TNFSF4: variants seen among roughly 807,000 people sequenced by gnomAD.
TNFSF4 encodes the protein tumor necrosis factor ligand superfamily member 4.
A neutral mutation model predicts 7.3 loss-of-function variants in TNFSF4; 4 were observed. The observed-to-expected ratio is 0.55, with a 90% CI of 0.27 to 1.25. The LOEUF is 1.25. Among genes scored for constraint, TNFSF4 ranks in the 50% most tolerant of loss-of-function variants. The pLI is 0.12. For synonymous variants in TNFSF4, 76 were observed against 83.7 expected (o/e 0.91, Z 0.50); for missense variants, 181 against 208.8 (o/e 0.87, Z 0.82).
chr1:173,255,056 G>A, the TNFSF4 span, among the ~76,000 whole-genome samples: 1 of 152,102 alleles, frequency 6.6e-6, no homozygotes, highest in East Asian at 1.9e-4. Context: ...GGGAAAGGGG[G>A]TAAAACTAGT....
At chr1:173,447,874 C>T in the TNFSF4 span, among the ~76,000 whole-genome samples, 1 of 151,950 alleles carries the variant, frequency 6.6e-6, no homozygotes, top group Non-Finnish European at 1.5e-5. Flanking sequence ...ACCTAACTAT[C>T]TACAAGAAAC....
the TNFSF4 span, among the ~76,000 whole-genome samples, chr1:173,340,677 T>C: frequency 6.6e-6 from 1 of 152,132 alleles, no homozygotes; most frequent in African/African-American, 2.4e-5. Flanking sequence ...ATGCTTTGGT[T>C]TCCCTGGAGG....
At chr1:173,363,598 C>A in the TNFSF4 span, 1 of 483,132 alleles carries the variant, frequency 2.1e-6, no homozygotes, top group South Asian at 1.7e-5. Flanking sequence ...TGGGGAGTGT[C>A]GTAGATCACT....
chr1:173,395,075 A>ATAGATAGCTAGC, the TNFSF4 span, among the ~76,000 whole-genome samples: 16 of 150,222 alleles, frequency 1.1e-4, no homozygotes, highest in Non-Finnish European at 1.5e-4. Context: ...AGATAGATAG[A>ATAGATAGCTAGC]TAGCTATAAA....
At chr1:173,178,471 G>T in the TNFSF4 span, among the ~76,000 whole-genome samples, 1 of 152,276 alleles carries the variant, frequency 6.6e-6, no homozygotes, top group African/African-American at 2.4e-5. Context: ...CTACTGGGGA[G>T]GCTGAGGCAG....
At chr1:173,177,927 G>A in the TNFSF4 span, among the ~76,000 whole-genome samples, 44 of 152,300 alleles carry the variant, frequency 2.9e-4, no homozygotes, top group African/African-American at 1.0e-3. Flanking sequence ...TGTTTGAGCT[G>A]AGCCTTGAAT....
chr1:173,188,467 G>C, intron 2 of TNFSF4, 54 bp downstream of exon 2: 1 of 1,374,168 alleles, frequency 7.3e-7, no homozygotes, highest in Non-Finnish European at 1.0e-6. Context: ...TTAAGAGACT[G>C]AAGAGAAGAT....
At chr1:173,416,894 G>A in the TNFSF4 span, among the ~76,000 whole-genome samples, 1 of 152,110 alleles carries the variant, frequency 6.6e-6, no homozygotes, top group African/African-American at 2.4e-5. Flanking sequence ...ATTGTGGCCG[G>A]CCACAAATGT....
the TNFSF4 span, among the ~76,000 whole-genome samples, chr1:173,361,037 G>A: frequency 3.9e-5 from 6 of 152,216 alleles, no homozygotes; most frequent in Admixed American, 3.9e-4. Context: ...AGAAAATCAT[G>A]TGTACTAGAA....
At chr1:173,371,887 C>T in the TNFSF4 span, among the ~76,000 whole-genome samples, 1 of 152,214 alleles carries the variant, frequency 6.6e-6, no homozygotes, top group Admixed American at 6.5e-5. Flanking sequence ...TCCCAACTTA[C>T]ATGGACGGTC....
At chr1:173,252,292 A>C in the TNFSF4 span, among the ~76,000 whole-genome samples, 4 of 152,152 alleles carry the variant, frequency 2.6e-5, no homozygotes, top group African/African-American at 4.8e-5. Context: ...GGTAAGTCCA[A>C]TTTTCAATAA....
At chr1:173,448,816 T>G in the TNFSF4 span, among the ~76,000 whole-genome samples, 4 of 152,188 alleles carry the variant, frequency 2.6e-5, no homozygotes. Context: ...GGCGTATAAG[T>G]GCAAGTCACA....
At chr1:173,237,197 CCT>C in the TNFSF4 span, among the ~76,000 whole-genome samples, 5 of 152,170 alleles carry the variant, frequency 3.3e-5, no homozygotes, top group African/African-American at 1.2e-4. Context: ...GTCCATTAAA[CCT>C]CTCTTTTATA....
the TNFSF4 span, among the ~76,000 whole-genome samples, chr1:173,343,098 A>G: frequency 6.6e-6 from 1 of 152,206 alleles, no homozygotes; most frequent in Non-Finnish European, 1.5e-5. Flanking sequence ...CTATCTCCCA[A>G]TCTTTCATTC....
At chr1:173,228,735 A>G in the TNFSF4 span, among the ~76,000 whole-genome samples, 2 of 152,252 alleles carry the variant, frequency 1.3e-5, no homozygotes, top group Admixed American at 6.5e-5. Context: ...AAATCCTTAA[A>G]TGACCTGATG....
the TNFSF4 span, among the ~76,000 whole-genome samples, chr1:173,430,114 G>C: frequency 1.3e-5 from 2 of 152,164 alleles, no homozygotes; most frequent in Non-Finnish European, 2.9e-5. Context: ...CTAAAAAAAG[G>C]CCTGCCAGCA....
At chr1:173,363,575 G>A in the TNFSF4 span, 1 of 501,734 alleles carries the variant, frequency 2.0e-6, no homozygotes. Context: ...GGATAGGCAA[G>A]TGTAGGCTTA....
chr1:173,243,455 C>T, the TNFSF4 span, among the ~76,000 whole-genome samples: 1 of 152,182 alleles, frequency 6.6e-6, no homozygotes, highest in Non-Finnish European at 1.5e-5. Context: ...CACTCACCAC[C>T]CTGTGATTAT....
At chr1:173,316,105 T>C in the TNFSF4 span, among the ~76,000 whole-genome samples, 1 of 152,194 alleles carries the variant, frequency 6.6e-6, no homozygotes, top group Non-Finnish European at 1.5e-5. Context: ...CTTTTGCATG[T>C]CAATATCCAG....
Sources: allele counts gnomAD v4.1 joint callset (sites outside exome capture counted in the v4.1 genomes callset), GRCh38; gene constraint gnomAD v4.1.1; transcripts MANE v1.5; gene names NCBI Gene and HGNC (gene_info 2026-07-23, HGNC 2026-07-21).